BCAT1: variants seen among roughly 807,000 people sequenced by gnomAD.
BCAT1 encodes the protein branched-chain-amino-acid aminotransferase, cytosolic.
BCAT1 carries 48 observed loss-of-function variants against 52.4 expected under a neutral mutation model. That is an observed-to-expected ratio of 0.92 (90% CI 0.73 to 1.16). The LOEUF (loss-of-function observed/expected upper bound fraction) is 1.16, where lower values mean the gene tolerates loss of function less well. Among genes scored for constraint, BCAT1 ranks in the 50% most tolerant of loss-of-function variants. The probability of loss-of-function intolerance (pLI) is 0.00; values close to 1 mark genes in which losing one functional copy is unlikely to be tolerated. For missense variants in BCAT1, 451 were observed against 457.1 expected, an observed-to-expected ratio of 0.99 and a Z score of 0.12; for synonymous variants, 167 against 161.3, an observed-to-expected ratio of 1.04 and a Z score of -0.27.
rs1465169934 is a variant in BCAT1 at position 24,894,255 on chromosome 12, T to G, written c.279+20A>C. The G allele has an allele frequency of 3.1e-6, 5 of 1,611,104 alleles. No individual in the cohort carries two copies. In the Admixed American group the frequency reaches 5.0e-5, roughly 16 times the overall value. ...AGTGAAGTGCAAGCATGTCACTCTC[T>G]TTAATTCCCATGTACTTACTTCCAC... On this transcript the variant is annotated intron_variant, in intron 3 of 10. Coordinates refer to ENST00000261192, the MANE Select transcript of BCAT1 (RefSeq NM_005504.7).
At chr12:24,825,969 TG>T (rs1486385669) in intron 10 of BCAT1, among the ~76,000 whole-genome samples, 2 of 152,180 alleles carry the variant, frequency 1.3e-5, no homozygotes, top group Non-Finnish European at 2.9e-5. Context: ...CTCAGCACTT[TG>T]GGAGGCTGAG....
intron 3 of BCAT1, among the ~76,000 whole-genome samples, chr12:24,887,080 A>AAAATATATATATATATATAT (rs1245203518): frequency 2.5e-5 from 1 of 40,748 alleles, no homozygotes; most frequent in Non-Finnish European, 5.2e-5. Flanking sequence ...AAAAAAAAAA[A>AAAATATATATATATATATAT]ATATATATAT....
intron 1 of BCAT1, among the ~76,000 whole-genome samples, chr12:24,930,386 T>A (rs1473950350): frequency 6.6e-6 from 1 of 152,194 alleles, no homozygotes; most frequent in Non-Finnish European, 1.5e-5. Flanking sequence ...GTTCACATAG[T>A]TCATGACGTC....
intron 1 of BCAT1, among the ~76,000 whole-genome samples, chr12:24,914,236 T>A (rs1398621384): frequency 6.6e-6 from 1 of 152,034 alleles, no homozygotes; most frequent in East Asian, 1.9e-4. Flanking sequence ...CACATGCTAC[T>A]ATGCCCGGCT....
intron 6 of BCAT1, 62 bp downstream of exon 6, chr12:24,849,724 T>C (rs1405410438): frequency 6.7e-7 from 1 of 1,489,920 alleles, no homozygotes; most frequent in Non-Finnish European, 9.1e-7. Flanking sequence ...TGAAGTGAAA[T>C]GGCACTAACT....
At chr12:24,944,174 C>T (rs1943900078) in intron 1 of BCAT1, among the ~76,000 whole-genome samples, 1 of 152,162 alleles carries the variant, frequency 6.6e-6, no homozygotes, top group African/African-American at 2.4e-5. Context: ...TATTATGCTT[C>T]CCCATGTAGA....
chr12:24,847,493 T>C (rs890599448), intron 6 of BCAT1, among the ~76,000 whole-genome samples: 1 of 152,228 alleles, frequency 6.6e-6, no homozygotes, highest in African/African-American at 2.4e-5. Flanking sequence ...GCCAGGTCTT[T>C]CTGACTTCAA....
At chr12:24,862,211 G>A (rs1049282408) in intron 5 of BCAT1, among the ~76,000 whole-genome samples, 1 of 152,172 alleles carries the variant, frequency 6.6e-6, no homozygotes, top group Admixed American at 6.5e-5. Context: ...AACTTGATTT[G>A]ATCTTACTCT....
chr12:24,810,096 C>T lies in BCAT1; in HGVS notation c.*7912G>A, dbSNP rs901957352. 2 of 152,092 alleles carry T rather than the reference C, an allele frequency of 1.3e-5. No individual in the cohort carries two copies. Among genetic ancestry groups the T allele is most frequent in the African/African-American group, 4.8e-5 (2 of 41,412 alleles). 9.4% of individuals were successfully genotyped at this position (152,092 alleles called of 1,614,324 possible). A position where few individuals can be genotyped will look rare whatever the true frequency, so the allele number is the denominator to read the frequency against. On this transcript the variant is annotated 3_prime_UTR_variant, in exon 11 of 11. Transcript: ENST00000261192. ...TCCCTAGTGGCTTAGTGACAAAGAC[C>T]TTTGGAGAGAATGATCATGGGTTTT...
At chr12:24,915,392 A>G (rs1423806253) in intron 1 of BCAT1, among the ~76,000 whole-genome samples, 1 of 152,238 alleles carries the variant, frequency 6.6e-6, no homozygotes, top group African/African-American at 2.4e-5. Context: ...ACAGATTAAA[A>G]AGGTTATTTT....
At chr12:24,900,766 T>C (rs1302326422) in intron 2 of BCAT1, among the ~76,000 whole-genome samples, 2 of 152,128 alleles carry the variant, frequency 1.3e-5, no homozygotes, top group Non-Finnish European at 2.9e-5. Context: ...ACCCCATCTC[T>C]ACTAAAAATA....
intron 1 of BCAT1, among the ~76,000 whole-genome samples, chr12:24,917,550 CT>C (rs1565498364): frequency 6.6e-6 from 1 of 152,120 alleles, no homozygotes; most frequent in Non-Finnish European, 1.5e-5. Context: ...GTATTTAAGA[CT>C]ACTTGTCAAG....
chr12:24,842,224 C>G lies in BCAT1; in HGVS notation c.675G>C (p.Gly225=). 13 of 1,613,764 alleles carry G rather than the reference C, an allele frequency of 8.1e-6. No homozygotes were observed. The highest frequency in any genetic ancestry group is 1.1e-5 in the Non-Finnish European group (13 of 1,179,798). The change falls in exon 7 of 11, where the codon GGG becomes GGC. Residue 225 remains glycine, a splice_region_variant and synonymous_variant. Transcript: ENST00000261192. ...KGGTGDCKMG[G]NYGSSLFAQC... ...GGGCAAAAAGAGATGAGCCGTAATTCCTTTAAGAAAGAGAAAATACACAGG... is the reference window on the plus strand; with the variant it reads ...GGGCAAAAAGAGATGAGCCGTAATTGCTTTAAGAAAGAGAAAATACACAGG...
rs555436532 is a variant in BCAT1, at chr12:24,834,349, C to A, written c.904-1486G>T. On this transcript the variant is annotated intron_variant, in intron 8 of 10. Coordinates refer to ENST00000261192, the MANE Select transcript of BCAT1 (RefSeq NM_005504.7). ...CATCATGGAATTAGTGGTATAACCT[C>A]ATTGACTTCTGCCAAAGTGTTTGAA... is the stretch of plus-strand genomic sequence containing the variant. 3.5e-4 allele frequency: 343 copies of A among 984,938 alleles called. No individual in the cohort carries two copies. In the African/African-American group the frequency reaches 5.7e-3, roughly 16 times the overall value. The allele number at this position is 984,938 out of a possible 1,614,324, so 61.0% of individuals were successfully genotyped here. A position where few individuals can be genotyped will look rare whatever the true frequency, so the allele number is the denominator to read the frequency against.
chr12:24,845,926 T>G (rs562041881), intron 6 of BCAT1, among the ~76,000 whole-genome samples: 6 of 152,284 alleles, frequency 3.9e-5, no homozygotes, highest in African/African-American at 1.2e-4. Context: ...TATTTGAATT[T>G]TTTCTCATTC....
chr12:24,813,241 A>G lies in BCAT1; in HGVS notation c.*4767T>C, dbSNP rs899060317. The stretch of plus-strand genomic sequence containing the variant: ...ATTAAACATCTGACAAGTCTTTTAT[A>G]TATGTATGCTGAAGAGAAAAAATAA... On this transcript the variant is annotated 3_prime_UTR_variant, in exon 11 of 11. Coordinates refer to ENST00000261192, the MANE Select transcript of BCAT1 (RefSeq NM_005504.7). The G allele has an allele frequency of 1.3e-5, 2 of 152,182 alleles. No individual in the cohort carries two copies. The highest frequency in any genetic ancestry group is 6.5e-5 in the Admixed American group (1 of 15,280). The allele number at this position is 152,182 out of a possible 1,614,324, so 9.4% of individuals were successfully genotyped here.
At chr12:24,832,090 A>G (rs989517495) in intron 9 of BCAT1, among the ~76,000 whole-genome samples, 3 of 152,208 alleles carry the variant, frequency 2.0e-5, no homozygotes, top group Non-Finnish European at 4.4e-5. Flanking sequence ...CATTTTCCAT[A>G]ACTATTTGCC....
chr12:24,915,342 C>A (rs984196870), intron 1 of BCAT1, among the ~76,000 whole-genome samples: 1 of 150,022 alleles, frequency 6.7e-6, no homozygotes, highest in Non-Finnish European at 1.5e-5. Flanking sequence ...AAGCAAAGAT[C>A]AAGAAAAAAA....
At chr12:24,913,898 G>T (rs1230343909) in intron 1 of BCAT1, among the ~76,000 whole-genome samples, 1 of 152,062 alleles carries the variant, frequency 6.6e-6, no homozygotes, top group Non-Finnish European at 1.5e-5. Context: ...GGGGGTGGTG[G>T]AAGTTAGAGT....
Sources: gnomAD v4.1 joint callset for allele counts (sites outside exome capture counted in the v4.1 genomes callset) on GRCh38, gnomAD v4.1.1 for gene constraint, MANE v1.5 for transcripts, NCBI Gene and HGNC (gene_info 2026-07-23, HGNC 2026-07-21) for gene names.